Variants in ATF4 observed in about 807,000 individuals in gnomAD.
The protein encoded by ATF4 is cyclic AMP-dependent transcription factor ATF-4.
In ATF4, 8 loss-of-function variants were observed where a neutral mutation model predicts 21.0. The ratio of observed to expected loss-of-function variants is 0.38; its 90% CI spans 0.22 to 0.69. ATF4 has a LOEUF of 0.69. Ranked by LOEUF, ATF4 falls within the 30% of genes least tolerant of loss-of-function variation. The probability of loss-of-function intolerance (pLI) is 0.49; values close to 1 mark genes in which losing one functional copy is unlikely to be tolerated. For missense variants in ATF4, 549 were observed against 425.9 expected (o/e 1.29, Z -2.54); for synonymous variants, 241 against 166.4 (o/e 1.45, Z -3.45).
At chr22:39,521,733 T>A in intron 2 of ATF4, 40 bp from the exon 3 acceptor site, 2 of 1,610,360 alleles carry the variant, frequency 1.2e-6, no homozygotes, top group South Asian at 2.2e-5. Context: ...CCTACCTTTG[T>A]ATCTGACTCA....
At position 39,522,164 on chromosome 22, in the gene ATF4, G is replaced by A. The variant is rs755892560; in HGVS notation, c.618G>A (p.Gln206=). The A allele has an allele frequency of 8.7e-6, 14 of 1,613,046 alleles. No individual in the cohort carries two copies. In the African/African-American group the frequency reaches 1.6e-4, roughly 18 times the overall value. The change falls in exon 3 of 3, where the codon CAG becomes CAA. Residue 206 remains glutamine, a synonymous_variant. Transcript: ENST00000674920. ...CTGCTTACGTTGCCATGATCCCTCA[G>A]TGCATAAAGGAGGAAGACACCCCTT... ...DYTAYVAMIP[Q]CIKEEDTPSD... is the part of the protein sequence containing the mutation.
intron 1 of ATF4, 127 bp downstream of exon 1, chr22:39,520,878 C>T (rs1235207564): frequency 6.5e-6 from 1 of 152,852 alleles, no homozygotes; most frequent in Non-Finnish European, 1.5e-5. Flanking sequence ...GCCCGGGACG[C>T]GTGGTCTTTG....
Position 39,522,299 on chromosome 22 carries a change from T to C in ATF4, c.753T>C (p.Val251=). Residue 251 remains valine (V), a synonymous_variant, in exon 3 of 3, where the codon GTT becomes GTC. Coordinates refer to ENST00000674920, the MANE Select transcript of ATF4 (RefSeq NM_182810.3). Reference sequence around the variant, plus strand: ...ATAGGAGCCTCCCATCTCCAGGTGTTCTCTGTGGGTCTGCCCGTCCCAAAC... The same window carrying C: ...ATAGGAGCCTCCCATCTCCAGGTGTCCTCTGTGGGTCTGCCCGTCCCAAAC... ...SPNRSLPSPG[V]LCGSARPKPY... 1 of 1,610,488 alleles carries C rather than the reference T, an allele frequency of 6.2e-7. No homozygotes were observed. The highest frequency in any genetic ancestry group is 8.5e-7 in the Non-Finnish European group (1 of 1,178,588).
Position 39,522,401 on chromosome 22 carries a change from G to T in ATF4, c.855G>T (p.Met285Ile). The T allele has an allele frequency of 6.2e-7, 1 of 1,613,060 alleles. No individual in the cohort carries two copies. The highest frequency in any genetic ancestry group is 8.5e-7 in the Non-Finnish European group (1 of 1,179,488). ...AACTGGATAAGAAGCTGAAAAAAATGGAGCAAAACAAGACAGCAGCCACTA... is the reference window on the plus strand; with the variant it reads ...AACTGGATAAGAAGCTGAAAAAAATTGAGCAAAACAAGACAGCAGCCACTA... ...GEKLDKKLKK[M>I]EQNKTAATRY... The change falls in exon 3 of 3, where the codon ATG (methionine) becomes ATT (isoleucine). Residue 285 changes from methionine to isoleucine, a missense_variant. Coordinates refer to ENST00000674920, the MANE Select transcript of ATF4 (RefSeq NM_182810.3).
Position 39,522,665 on chromosome 22 carries a change from A to G in ATF4, c.*63A>G, listed in dbSNP as rs1187021234. On this transcript the variant is annotated 3_prime_UTR_variant, in exon 3 of 3. Transcript: ENST00000674920. ...GAGTGCTGTAGCTGTGTGTTCCAAT[A>G]AATTATTTTGTAGGGAAAGTACTTG... The G allele has an allele frequency of 1.4e-6, 2 of 1,384,362 alleles. No individual in the cohort carries two copies. Among genetic ancestry groups the G allele is most frequent in the East Asian group, 2.5e-5 (1 of 39,518 alleles). The allele number at this position is 1,384,362 out of a possible 1,614,324, so 85.8% of individuals were successfully genotyped here.
chr22:39,522,166 G>A lies in ATF4; in HGVS notation c.620G>A (p.Cys207Tyr), dbSNP rs777575460. ...GCTTACGTTGCCATGATCCCTCAGT[G>A]CATAAAGGAGGAAGACACCCCTTCA... is the stretch of plus-strand genomic sequence containing the variant. ...YTAYVAMIPQ[C>Y]IKEEDTPSDN... Residue 207 changes from cysteine to tyrosine, a missense_variant, in exon 3 of 3, where the codon TGC becomes TAC. Cys to Tyr is a radical substitution (Grantham distance 194, BLOSUM62 -2). Coordinates refer to ENST00000674920, the MANE Select transcript of ATF4 (RefSeq NM_182810.3). 2 of 1,613,090 alleles carry A rather than the reference G, an allele frequency of 1.2e-6. No individual in the cohort carries two copies. Among genetic ancestry groups the A allele is most frequent in the Non-Finnish European group, 1.7e-6 (2 of 1,179,428 alleles).
At position 39,521,986 on chromosome 22, in the gene ATF4, G is replaced by GT. The variant is rs899844959; in HGVS notation, c.443dup (p.Leu148PhefsTer32). 1 of 1,613,442 alleles carries GT rather than the reference G, an allele frequency of 6.2e-7. No individual in the cohort carries two copies. Among genetic ancestry groups the GT allele is most frequent in the African/African-American group, 1.3e-5 (1 of 74,754 alleles). On this transcript the variant is annotated frameshift_variant, in exon 3 of 3. Coordinates refer to ENST00000674920, the MANE Select transcript of ATF4 (RefSeq NM_182810.3). LOFTEE classifies it high-confidence loss of function. ...AACCCAATTGGCCATCTCCCAGAAA[G>GT]TTTAACAAAACCCGACCAGGTTGCC...
Position 39,520,738 on chromosome 22 carries a change from G to T in ATF4, c.-106G>T. ...GGCTCTGCAGCGGCAACCCCCAGCG[G>T]CTTAAGCCATGGCGTGAGTACCGGG... On this transcript the variant is annotated 5_prime_UTR_variant, in exon 1 of 3. Coordinates refer to ENST00000674920, the MANE Select transcript of ATF4 (RefSeq NM_182810.3). 6.5e-6 allele frequency: 1 copy of T among 153,972 alleles called. No homozygotes were observed. Among genetic ancestry groups the T allele is most frequent in the Non-Finnish European group, 1.5e-5 (1 of 68,814 alleles). The allele number at this position is 153,972 out of a possible 1,614,324, so 9.5% of individuals were successfully genotyped here. A position where few individuals can be genotyped will look rare whatever the true frequency, so the allele number is the denominator to read the frequency against.
rs1930953879 is a variant in ATF4 at position 39,521,679 on chromosome 22, G to C, written c.226+8G>C. On this transcript the variant is annotated splice_region_variant and intron_variant, in intron 2 of 2. Transcript: ENST00000674920. ...CCTCCAACAACAGCAAGGGTGAGTG[G>C]GCCACCACCACATCGTCCTGGTGGG... The C allele has an allele frequency of 6.2e-7, 1 of 1,612,550 alleles. No homozygotes were observed. The highest frequency in any genetic ancestry group is 1.7e-5 in the Admixed American group (1 of 59,946).
At chr22:39,520,879 G>A (rs1930895657) in intron 1 of ATF4, 128 bp downstream of exon 1, 4 of 153,014 alleles carry the variant, frequency 2.6e-5, no homozygotes, top group Admixed American at 2.0e-4. Flanking sequence ...CCCGGGACGC[G>A]TGGTCTTTGC....
At position 39,521,377 on chromosome 22, in the gene ATF4, G is replaced by T. The variant is rs1308350845; in HGVS notation, c.-69G>T. The T allele has an allele frequency of 2.3e-6, 3 of 1,332,044 alleles. No individual in the cohort carries two copies. Among genetic ancestry groups the T allele is most frequent in the Non-Finnish European group, 3.1e-6 (3 of 968,152 alleles). 82.5% of individuals were successfully genotyped at this position (1,332,044 alleles called of 1,614,324 possible). A position where few individuals can be genotyped will look rare whatever the true frequency, so the allele number is the denominator to read the frequency against. On this transcript the variant is annotated 5_prime_UTR_variant, in exon 2 of 3. Transcript: ENST00000674920. Reference sequence around the variant, plus strand: ...AGGCTTCTCACGGCATTCAGCAGCAGCGTTGCTGTAACCGACAAAGACACC... The same window carrying T: ...AGGCTTCTCACGGCATTCAGCAGCATCGTTGCTGTAACCGACAAAGACACC...
intron 1 of ATF4, chr22:39,521,147 C>T (rs879588678): frequency 2.0e-4 from 42 of 207,410 alleles, no homozygotes; most frequent in African/African-American, 8.5e-4. Context: ...GAGCGCTTTC[C>T]TCTTGGCGGC....
At position 39,521,682 on chromosome 22, in the gene ATF4, C is replaced by CTGGT; in HGVS notation, c.226+11_226+12insTGGT. 6.2e-7 allele frequency: 1 copy of CTGGT among 1,612,242 alleles called. No homozygotes were observed. Among genetic ancestry groups the CTGGT allele is most frequent in the Non-Finnish European group, 8.5e-7 (1 of 1,178,672 alleles). On this transcript the variant is annotated intron_variant, in intron 2 of 2. Coordinates refer to ENST00000674920, the MANE Select transcript of ATF4 (RefSeq NM_182810.3). The stretch of plus-strand genomic sequence containing the variant: ...CCAACAACAGCAAGGGTGAGTGGGC[C>CTGGT]ACCACCACATCGTCCTGGTGGGATC...
chr22:39,521,794 A>T lies in ATF4; in HGVS notation c.248A>T (p.Asp83Val), dbSNP rs1464729882. Residue 83 changes from aspartate (D) to valine (V), a missense_variant, in exon 3 of 3, where the codon GAT becomes GTT. By Grantham distance (152) the Asp-to-Val change is radical. Coordinates refer to ENST00000674920, the MANE Select transcript of ATF4 (RefSeq NM_182810.3). ...NSKEDAFSGT[D>V]WMLEKMDLKE... Reference sequence around the variant, plus strand: ...GCAGAGGATGCCTTCTCCGGGACAGATTGGATGTTGGAGAAAATGGATTTG... The same window carrying T: ...GCAGAGGATGCCTTCTCCGGGACAGTTTGGATGTTGGAGAAAATGGATTTG... 1.9e-6 allele frequency: 3 copies of T among 1,614,024 alleles called. No homozygotes were observed. The South Asian group carries it at 3.3e-5, about 18-fold the overall frequency.
intron 1 of ATF4, 70 bp from the exon 2 acceptor site, chr22:39,521,284 C>G (rs900855773): frequency 3.4e-6 from 2 of 595,628 alleles, no homozygotes; most frequent in African/African-American, 3.7e-5. Context: ...AGTCCCGCCT[C>G]ATAAGTGGAA....
rs756172316 is a variant in ATF4 at position 39,521,775 on chromosome 22, G to C, written c.229G>C (p.Asp77His). 1.9e-6 allele frequency: 3 copies of C among 1,613,716 alleles called. No homozygotes were observed. In the African/African-American group the frequency reaches 4.0e-5, roughly 22 times the overall value. ...LVSPSNNSKE[D>H]AFSGTDWMLE... ...CCCATCACTCAAATGTTTTGCAGAG[G>C]ATGCCTTCTCCGGGACAGATTGGAT... The change falls in exon 3 of 3, where the codon GAT becomes CAT. Residue 77 changes from aspartate to histidine, a missense_variant and splice_region_variant. Coordinates refer to ENST00000674920, the MANE Select transcript of ATF4 (RefSeq NM_182810.3).
chr22:39,521,309 G>A, intron 1 of ATF4, 45 bp from the exon 2 acceptor site: 1 of 707,026 alleles, frequency 1.4e-6, no homozygotes, highest in Non-Finnish European at 2.3e-6. Context: ...GAAATTCTCA[G>A]AACAGCTAAC....
Position 39,521,657 on chromosome 22 carries a change from CCAA to C in ATF4, c.218_220del (p.Asn73del), listed in dbSNP as rs1468497800. ...GCTGTGGATGGGTTGGTCAGTCCCT[CCAA>C]CAACAGCAAGGGTGAGTGGGCCACC... is the stretch of plus-strand genomic sequence containing the variant. On this transcript the variant is annotated inframe_deletion, in exon 2 of 3. Transcript: ENST00000674920. The C allele has an allele frequency of 1.9e-6, 3 of 1,613,862 alleles. No homozygotes were observed. Among genetic ancestry groups the C allele is most frequent in the African/African-American group, 1.3e-5 (1 of 75,036 alleles).
In ATF4 at chr22:39,521,408, A is replaced by T; in HGVS notation, c.-38A>T. 6.7e-7 allele frequency: 1 copy of T among 1,502,908 alleles called. No individual in the cohort carries two copies. The highest frequency in any genetic ancestry group is 8.9e-7 in the Non-Finnish European group (1 of 1,120,994). The allele number at this position is 1,502,908 out of a possible 1,614,324, so 93.1% of individuals were successfully genotyped here. A position where few individuals can be genotyped will look rare whatever the true frequency, so the allele number is the denominator to read the frequency against. On this transcript the variant is annotated 5_prime_UTR_variant, in exon 2 of 3. Transcript: ENST00000674920. ...CTGTAACCGACAAAGACACCTTCGA[A>T]TTAAGCACATTCCTCGATTCCAGCA... is the stretch of plus-strand genomic sequence containing the variant.
Sources: gnomAD v4.1 joint callset for allele counts on GRCh38, gnomAD v4.1.1 for gene constraint, MANE v1.5 for transcripts, NCBI Gene and HGNC (gene_info 2026-07-23, HGNC 2026-07-21) for gene names.